Variants in IFT43 observed in about 807,000 individuals in gnomAD.
The protein encoded by IFT43 is intraflagellar transport protein 43 homolog.
In IFT43, 33 loss-of-function variants were observed where a neutral mutation model predicts 32.3. That is an observed-to-expected ratio of 1.02 (90% confidence interval 0.77 to 1.37). The LOEUF is 1.37. Among genes scored for constraint, IFT43 ranks in the 40% most tolerant of loss-of-function variants. The pLI, the probability that IFT43 is intolerant of heterozygous loss-of-function variation, is 0.00. For synonymous variants in IFT43, 93 were observed against 98.2 expected (o/e 0.95, Z 0.31); for missense variants, 274 against 265.9 (o/e 1.03, Z -0.21).
chr14:76,034,046 G>A (rs1432167886), intron 3 of IFT43, among the ~76,000 whole-genome samples: 3 of 152,196 alleles, frequency 2.0e-5, no homozygotes, highest in African/African-American at 7.2e-5. Flanking sequence ...TGTCAGTCTA[G>A]TTACAGCAGA....
chr14:75,986,186 C>T (rs1284947367), intron 1 of IFT43: 1 of 1,321,882 alleles, frequency 7.6e-7, no homozygotes, highest in Admixed American at 2.3e-5. Context: ...GAGCCCCGGC[C>T]GGGGTCGCAC....
At chr14:76,047,063 G>A (rs1032222394) in intron 3 of IFT43, among the ~76,000 whole-genome samples, 21 of 152,176 alleles carry the variant, frequency 1.4e-4, no homozygotes, top group African/African-American at 3.9e-4. Flanking sequence ...CCAGCCCTTC[G>A]ATAAGGGACT....
chr14:75,999,269 ATATG>A (rs199572135), intron 2 of IFT43, among the ~76,000 whole-genome samples: 291 of 23,982 alleles, frequency 0.012, 1 homozygote, highest in African/African-American at 0.014. Context: ...ATATATATAT[ATATG>A]TATATATATT....
At chr14:76,059,755 C>T (rs1287384405) in intron 5 of IFT43, 1 of 327,118 alleles carries the variant, frequency 3.1e-6, no homozygotes, top group East Asian at 7.7e-5. Context: ...CAAGCACTGT[C>T]CTTCCAGTTT....
chr14:76,023,866 G>A (rs1453371390), intron 3 of IFT43, among the ~76,000 whole-genome samples: 3 of 152,202 alleles, frequency 2.0e-5, no homozygotes, highest in Non-Finnish European at 2.9e-5. Context: ...TTCCAAAGCT[G>A]TAGTATCAGA....
chr14:76,070,491 G>C (rs1480054631), intron 5 of IFT43, among the ~76,000 whole-genome samples: 4 of 152,118 alleles, frequency 2.6e-5, no homozygotes, highest in Non-Finnish European at 4.4e-5. Flanking sequence ...TGCTTCCTTA[G>C]GCTTAATATA....
chr14:76,066,966 A>G (rs2140070260), intron 5 of IFT43, among the ~76,000 whole-genome samples: 1 of 152,314 alleles, frequency 6.6e-6, no homozygotes, highest in East Asian at 1.9e-4. Context: ...TGAGGACTGT[A>G]TTGCTCTAGA....
At position 76,082,300 on chromosome 14, in the gene IFT43, C is replaced by T; in HGVS notation, c.301C>T (p.Pro101Ser). 1.2e-6 allele frequency: 2 copies of T among 1,613,966 alleles called. No homozygotes were observed. Among genetic ancestry groups the T allele is most frequent in the Non-Finnish European group, 1.7e-6 (2 of 1,179,834 alleles). ...GCCTCTGCCTCTCCTTGCAGATATT[C>T]CTATCATTCCGGATCTGGAGGAAGT... Reference protein sequence around the residue: ...LNGSDYGGDIPIIPDLEEVQE... With the variant: ...LNGSDYGGDISIIPDLEEVQE... Residue 101 changes from proline (P) to serine (S), a missense_variant, in exon 6 of 9, where the codon CCT becomes TCT. By Grantham distance (74) the Pro-to-Ser change is moderately conservative. Coordinates refer to ENST00000314067, the MANE Select transcript of IFT43 (RefSeq NM_001102564.3).
chr14:76,041,854 T>C (rs2036713500), intron 3 of IFT43, among the ~76,000 whole-genome samples: 1 of 152,180 alleles, frequency 6.6e-6, no homozygotes, highest in Non-Finnish European at 1.5e-5. Flanking sequence ...TACACGTAGA[T>C]TTACTGCAGT....
At chr14:75,992,055 TATG>T (rs1244934498) in intron 2 of IFT43, among the ~76,000 whole-genome samples, 2 of 152,214 alleles carry the variant, frequency 1.3e-5, no homozygotes, top group Non-Finnish European at 2.9e-5. Context: ...CAAACGTAAA[TATG>T]GTACCTGGGA....
At chr14:76,042,977 G>A (rs1231413350) in intron 3 of IFT43, among the ~76,000 whole-genome samples, 1 of 152,214 alleles carries the variant, frequency 6.6e-6, no homozygotes, top group Admixed American at 6.5e-5. Context: ...AGTGTCATTA[G>A]GAGTCAGGAC....
intron 3 of IFT43, among the ~76,000 whole-genome samples, chr14:76,051,110 G>A (rs1426583809): frequency 6.6e-6 from 1 of 151,260 alleles, no homozygotes; most frequent in Non-Finnish European, 1.5e-5. Flanking sequence ...AACTGTGCTG[G>A]CAGGAGCTAA....
chr14:76,083,887 G>A, downstream of IFT43: 1 of 522,932 alleles, frequency 1.9e-6, no homozygotes, highest in South Asian at 1.5e-5. Context: ...AGAAGGAGTG[G>A]GCACTCCTAC....
At chr14:76,041,114 C>T (rs888869763) in intron 3 of IFT43, among the ~76,000 whole-genome samples, 8 of 152,348 alleles carry the variant, frequency 5.3e-5, no homozygotes, top group Admixed American at 5.2e-4. Flanking sequence ...TTAAGTGAAG[C>T]TACCCTTGAC....
intron 3 of IFT43, among the ~76,000 whole-genome samples, chr14:76,034,888 C>T (rs901435234): frequency 3.3e-5 from 5 of 152,136 alleles, no homozygotes; most frequent in African/African-American, 1.2e-4. Context: ...TGAAGTTGCC[C>T]GAGGTAGGAC....
At chr14:75,991,871 G>C (rs1394760464) in intron 2 of IFT43, among the ~76,000 whole-genome samples, 1 of 152,136 alleles carries the variant, frequency 6.6e-6, no homozygotes, top group Non-Finnish European at 1.5e-5. Context: ...AAACAGTGTG[G>C]GCAGCCTCCC....
Position 75,999,342 on chromosome 14 carries a change from G to A in IFT43, c.147+10365G>A, listed in dbSNP as rs142747864. 8.5e-3 allele frequency among the ~76,000 whole-genome samples: 1,170 copies of A among 137,462 alleles called. 12 individuals carry two copies. The highest frequency in any genetic ancestry group is 0.025 in the Middle Eastern group (6 of 238). The allele number at this position is 137,462 out of a possible 152,430, so 90.2% of individuals were successfully genotyped here. A position where few individuals can be genotyped will look rare whatever the true frequency, so the allele number is the denominator to read the frequency against. On this transcript the variant is annotated intron_variant, in intron 2 of 8. Coordinates refer to ENST00000314067, the MANE Select transcript of IFT43 (RefSeq NM_001102564.3). ...ACAATCTCACTGTGTTGCCCAGGCC[G>A]GTCTCAAACTCCCGGCCTTAAGTGA... is the stretch of plus-strand genomic sequence containing the variant.
intron 3 of IFT43, among the ~76,000 whole-genome samples, chr14:76,051,605 T>G (rs997845841): frequency 3.3e-5 from 5 of 152,194 alleles, no homozygotes; most frequent in Non-Finnish European, 7.4e-5. Context: ...CTCTCTCTCA[T>G]GCCTTGGTAA....
In IFT43 at chr14:76,069,684, A is replaced by G. The variant is rs1302267155; in HGVS notation, c.295+10311A>G. On this transcript the variant is annotated intron_variant, in intron 5 of 8. Coordinates refer to ENST00000314067, the MANE Select transcript of IFT43 (RefSeq NM_001102564.3). Reference sequence around the variant, plus strand: ...CATCTCAGAGCTAAATTCAAGTTACAAAAGAATTTGTGAGCTCCAAAATAT... The same window carrying G: ...CATCTCAGAGCTAAATTCAAGTTACGAAAGAATTTGTGAGCTCCAAAATAT... 2.6e-5 allele frequency among the ~76,000 whole-genome samples: 4 copies of G among 152,256 alleles called. No homozygotes were observed. In the East Asian group the frequency reaches 7.7e-4, roughly 29 times the overall value.
Sources: gnomAD v4.1 joint callset for allele counts (sites outside exome capture counted in the v4.1 genomes callset) on GRCh38, gnomAD v4.1.1 for gene constraint, MANE v1.5 for transcripts, NCBI Gene and HGNC (gene_info 2026-07-23, HGNC 2026-07-21) for gene names.